The following ARHGAP8 variants were observed in gnomAD, a reference collection of about 807,000 sequenced individuals.
The protein encoded by ARHGAP8 is Rho GTPase activating protein 8.
In ARHGAP8, 62 loss-of-function variants were observed where a neutral mutation model predicts 46.1. That is an observed-to-expected ratio of 1.34 (90% CI 1.10 to 1.66). The LOEUF (loss-of-function observed/expected upper bound fraction) is 1.66, where lower values mean the gene tolerates loss of function less well. Among genes scored for constraint, ARHGAP8 ranks in the 40% most tolerant of loss-of-function variants. The probability of loss-of-function intolerance (pLI) is 0.00; values close to 1 mark genes in which losing one functional copy is unlikely to be tolerated. For synonymous variants in ARHGAP8, 375 were observed against 243.1 expected, an observed-to-expected ratio of 1.54 and a Z score of -5.05; for missense variants, 923 against 568.4, an observed-to-expected ratio of 1.62 and a Z score of -6.34.
intron 1 of ARHGAP8, among the ~76,000 whole-genome samples, chr22:44,768,993 C>G (rs1602149311): frequency 6.6e-6 from 1 of 152,212 alleles, no homozygotes; most frequent in East Asian, 1.9e-4. Flanking sequence ...CACCATCATG[C>G]CTGGCTAATT....
At chr22:44,822,227 T>G in intron 5 of ARHGAP8, 144 bp from the exon 6 acceptor site, 1 of 666,224 alleles carries the variant, frequency 1.5e-6, no homozygotes, top group East Asian at 3.2e-5. Flanking sequence ...TATGTTCGGG[T>G]TTTAAGTCGT....
chr22:44,858,555 T>TGG (rs1422996091), intron 10 of ARHGAP8, among the ~76,000 whole-genome samples: 1 of 144,604 alleles, frequency 6.9e-6, no homozygotes, highest in Non-Finnish European at 1.5e-5. Flanking sequence ...TTTTTTTAAG[T>TGG]AACAGGGTTT....
At chr22:44,802,361 A>G in intron 3 of ARHGAP8, among the ~76,000 whole-genome samples, 197 bp downstream of exon 3, 1 of 152,106 alleles carries the variant, frequency 6.6e-6, no homozygotes, top group East Asian at 1.9e-4. Flanking sequence ...GCTTCTGTGC[A>G]CCATTCATTA....
At chr22:44,808,586 G>A (rs1929100824) in intron 4 of ARHGAP8, 148 bp downstream of exon 4, 4 of 1,423,198 alleles carry the variant, frequency 2.8e-6, no homozygotes, top group Non-Finnish European at 2.9e-6. Context: ...GGGCAGTGGA[G>A]GTTCACCTCC....
At chr22:44,857,425 T>C (rs528449733) in intron 10 of ARHGAP8, among the ~76,000 whole-genome samples, 5 of 152,248 alleles carry the variant, frequency 3.3e-5, no homozygotes, top group African/African-American at 1.2e-4. Context: ...TTGCTTGGAC[T>C]AACAAAAGAC....
At chr22:44,824,403 C>G (rs1930363341) in intron 6 of ARHGAP8, among the ~76,000 whole-genome samples, 2 of 152,174 alleles carry the variant, frequency 1.3e-5, no homozygotes, top group African/African-American at 4.8e-5. Flanking sequence ...CCACCTTCTC[C>G]GCAGACCTTT....
intron 2 of ARHGAP8, among the ~76,000 whole-genome samples, chr22:44,800,077 T>G (rs1555912633): frequency 1.1e-5 from 1 of 88,338 alleles, no homozygotes; most frequent in Non-Finnish European, 2.2e-5. Context: ...TGCAGGGCCC[T>G]CTCCTTCAGG....
chr22:44,842,413 C>G (rs759764060), intron 7 of ARHGAP8, among the ~76,000 whole-genome samples: 5 of 152,156 alleles, frequency 3.3e-5, no homozygotes, highest in Non-Finnish European at 7.3e-5. Flanking sequence ...CATCCCCAGT[C>G]ATTTCCTTGG....
chr22:44,845,656 C>T (rs12159141), intron 8 of ARHGAP8, among the ~76,000 whole-genome samples: 72 of 152,330 alleles, frequency 4.7e-4, no homozygotes, highest in African/African-American at 1.6e-3. Context: ...GAGACAGTGC[C>T]TGCAAAGCAC....
chr22:44,841,552 G>C (rs999295889), intron 7 of ARHGAP8, among the ~76,000 whole-genome samples: 2 of 152,146 alleles, frequency 1.3e-5, no homozygotes, highest in Non-Finnish European at 2.9e-5. Context: ...TGCGCTCAGG[G>C]TATCTCTCTT....
At chr22:44,770,737 T>C (rs1326308190) in intron 1 of ARHGAP8, among the ~76,000 whole-genome samples, 1 of 152,214 alleles carries the variant, frequency 6.6e-6, no homozygotes, top group East Asian at 1.9e-4. Flanking sequence ...TGATGTTATC[T>C]ATGGGAGTAA....
At chr22:44,764,844 G>A (rs2146998707) in intron 1 of ARHGAP8, among the ~76,000 whole-genome samples, 1 of 152,360 alleles carries the variant, frequency 6.6e-6, no homozygotes, top group African/African-American at 2.4e-5. Context: ...GGAGCTGAGA[G>A]TGCTGTCAAC....
intron 2 of ARHGAP8, among the ~76,000 whole-genome samples, chr22:44,797,567 A>G (rs1279347642): frequency 6.6e-6 from 1 of 152,216 alleles, no homozygotes; most frequent in Non-Finnish European, 1.5e-5. Flanking sequence ...AAGCGTGACC[A>G]GAATTCGTAA....
intron 10 of ARHGAP8, among the ~76,000 whole-genome samples, chr22:44,853,516 G>A (rs968246562): frequency 2.0e-5 from 3 of 152,144 alleles, no homozygotes; most frequent in African/African-American, 7.2e-5. Flanking sequence ...AGTTTTCCAC[G>A]GGAGCATCAT....
intron 1 of ARHGAP8, among the ~76,000 whole-genome samples, chr22:44,757,452 T>C (rs960288384): frequency 1.4e-4 from 21 of 152,172 alleles, no homozygotes; most frequent in African/African-American, 5.1e-4. Flanking sequence ...TAATTTTGTA[T>C]TTTTAATAGA....
At chr22:44,760,611 T>C (rs1164520967) in intron 1 of ARHGAP8, among the ~76,000 whole-genome samples, 1 of 152,220 alleles carries the variant, frequency 6.6e-6, no homozygotes, top group Non-Finnish European at 1.5e-5. Context: ...TTAAGTTTGG[T>C]GCTAATTTGC....
At chr22:44,758,861 AG>A (rs903023367) in intron 1 of ARHGAP8, among the ~76,000 whole-genome samples, 1 of 152,218 alleles carries the variant, frequency 6.6e-6, no homozygotes, top group African/African-American at 2.4e-5. Context: ...TTGAATAGGC[AG>A]TTTGGATATT....
intron 1 of ARHGAP8, among the ~76,000 whole-genome samples, chr22:44,781,911 T>G (rs1926873786): frequency 6.6e-6 from 1 of 152,216 alleles, no homozygotes; most frequent in Non-Finnish European, 1.5e-5. Context: ...ATTGGCTCAC[T>G]GCAGCCCTGA....
intron 8 of ARHGAP8, among the ~76,000 whole-genome samples, chr22:44,847,606 C>T (rs1001116027): frequency 6.6e-6 from 1 of 152,216 alleles, no homozygotes; most frequent in Non-Finnish European, 1.5e-5. Flanking sequence ...ACTTGCTGGG[C>T]ATCACCGTGT....
Sources: allele counts gnomAD v4.1 joint callset (sites outside exome capture counted in the v4.1 genomes callset), GRCh38; gene constraint gnomAD v4.1.1; transcripts MANE v1.5; gene names NCBI Gene and HGNC (gene_info 2026-07-23, HGNC 2026-07-21).